Variants in MYLK4 observed in about 807,000 individuals in gnomAD.
MYLK4 encodes the protein caMLCK like.
Under a neutral mutation model 48.1 loss-of-function variants are expected in MYLK4, and 46 were observed. The ratio of observed to expected loss-of-function variants is 0.96; its 90% CI spans 0.75 to 1.22. The LOEUF (loss-of-function observed/expected upper bound fraction) is 1.22. Ranked by LOEUF, MYLK4 falls within the 50% of genes most tolerant of loss-of-function variation. MYLK4 has a pLI of 0.00. For synonymous variants in MYLK4, 170 were observed against 180.8 expected (o/e 0.94, Z 0.48); for missense variants, 451 against 486.1 (o/e 0.93, Z 0.68).
At chr6:2,692,710 C>T (rs1282245863) in intron 3 of MYLK4, 74 bp downstream of exon 3, 4 of 1,314,970 alleles carry the variant, frequency 3.0e-6, no homozygotes, top group Non-Finnish European at 4.2e-6. Context: ...TGTGCAACTT[C>T]CTCTGAATAA....
intron 2 of MYLK4, among the ~76,000 whole-genome samples, chr6:2,734,889 C>T (rs1300977969): frequency 6.6e-6 from 1 of 152,120 alleles, no homozygotes; most frequent in Non-Finnish European, 1.5e-5. Flanking sequence ...GATTCCTATT[C>T]AGCAGGTTGG....
At chr6:2,712,951 T>C (rs552619665) in intron 2 of MYLK4, among the ~76,000 whole-genome samples, 1 of 152,360 alleles carries the variant, frequency 6.6e-6, no homozygotes, top group African/African-American at 2.4e-5. Flanking sequence ...ACATGTGCCC[T>C]TGAGGAAGGC....
At chr6:2,720,666 AAAAG>A (rs1416051975) in intron 2 of MYLK4, among the ~76,000 whole-genome samples, 2 of 152,156 alleles carry the variant, frequency 1.3e-5, no homozygotes, top group Non-Finnish European at 2.9e-5. Context: ...TCAGAGAATA[AAAAG>A]AAATTATTGG....
At chr6:2,682,623 C>T (rs546968475) in intron 7 of MYLK4, among the ~76,000 whole-genome samples, 62 of 152,222 alleles carry the variant, frequency 4.1e-4, no homozygotes, top group African/African-American at 1.3e-3. Context: ...GAGCTGCCGG[C>T]GATTCTTGGA....
intron 2 of MYLK4, among the ~76,000 whole-genome samples, chr6:2,748,043 A>G (rs183032256): frequency 6.6e-6 from 1 of 152,264 alleles, no homozygotes; most frequent in African/African-American, 2.4e-5. Context: ...TTTATATACA[A>G]TCTCTCTATT....
At chr6:2,735,496 C>A (rs1380323113) in intron 2 of MYLK4, among the ~76,000 whole-genome samples, 1 of 152,206 alleles carries the variant, frequency 6.6e-6, no homozygotes, top group Admixed American at 6.5e-5. Flanking sequence ...ATTATCCTCA[C>A]TTCTAAGACA....
At chr6:2,707,021 G>A (rs1762516430) in intron 2 of MYLK4, among the ~76,000 whole-genome samples, 1 of 152,114 alleles carries the variant, frequency 6.6e-6, no homozygotes, top group Admixed American at 6.5e-5. Context: ...TCTTCTTTGT[G>A]AACGTCCACT....
At chr6:2,765,520 G>C in the MYLK4 span, 9 of 1,289,876 alleles carry the variant, frequency 7.0e-6, no homozygotes, top group African/African-American at 1.3e-4. Context: ...GGTTCCCCGA[G>C]CGAGGGTCTC....
At chr6:2,674,212 G>A (rs1189203411) in intron 11 of MYLK4, among the ~76,000 whole-genome samples, 1 of 152,230 alleles carries the variant, frequency 6.6e-6, no homozygotes, top group Non-Finnish European at 1.5e-5. Flanking sequence ...ATTACAGAGA[G>A]TGGGCTAGGT....
At chr6:2,679,180 T>A (rs1761200749) in intron 9 of MYLK4, 100 bp downstream of exon 9, 18 of 1,425,324 alleles carry the variant, frequency 1.3e-5, no homozygotes, top group Non-Finnish European at 1.7e-5. Flanking sequence ...TGTTATTTAT[T>A]TTTTAAATAC....
the MYLK4 span, chr6:2,766,197 A>C: frequency 1.4e-6 from 2 of 1,406,466 alleles, no homozygotes; most frequent in Non-Finnish European, 1.9e-6. Flanking sequence ...TGGGACGCGG[A>C]CGCTGCCGAA....
At chr6:2,702,273 G>A (rs183968535) in intron 2 of MYLK4, among the ~76,000 whole-genome samples, 367 of 152,324 alleles carry the variant, frequency 2.4e-3, no homozygotes, top group Admixed American at 5.3e-3. Flanking sequence ...AAGACAGGAT[G>A]AAAACCAAGG....
chr6:2,731,004 G>A (rs554052682), intron 2 of MYLK4, among the ~76,000 whole-genome samples: 77 of 152,138 alleles, frequency 5.1e-4, no homozygotes, highest in African/African-American at 1.8e-3. Flanking sequence ...TATAAACCAC[G>A]AAAGACCTTT....
chr6:2,692,384 C>T (rs1761835062), intron 3 of MYLK4, among the ~76,000 whole-genome samples: 1 of 152,032 alleles, frequency 6.6e-6, no homozygotes, highest in Non-Finnish European at 1.5e-5. Flanking sequence ...AGTTTATTAA[C>T]CTTTTCTTTC....
chr6:2,716,021 AT>A (rs34093622), intron 2 of MYLK4, among the ~76,000 whole-genome samples: 129,511 of 151,904 alleles, frequency 0.85, 55,292 homozygotes, highest in Admixed American at 0.89. Context: ...TCTGCTGCCT[AT>A]TTTTTTTTTA....
Position 2,734,233 on chromosome 6 carries a change from C to T in MYLK4, c.159+14903G>A, listed in dbSNP as rs188024634. ...TCACAGGTTGTTCCCCTACCCAGCA[C>T]ATATGCGGCTTTCGCTAAACCATCT... is the stretch of plus-strand genomic sequence containing the variant. On this transcript the variant is annotated intron_variant, in intron 2 of 12. Coordinates refer to ENST00000274643, the MANE Select transcript of MYLK4 (RefSeq NM_001012418.5). Among the ~76,000 whole-genome samples, 319 of 152,344 alleles carry T rather than the reference C, an allele frequency of 2.1e-3. 1 individual carries two copies. The highest frequency in any genetic ancestry group is 7.0e-3 in the African/African-American group (292 of 41,570).
chr6:2,678,173 C>T, intron 10 of MYLK4, 47 bp downstream of exon 10: 1 of 1,595,632 alleles, frequency 6.3e-7, no homozygotes, highest in Non-Finnish European at 8.5e-7. Flanking sequence ...GGCCCTGCTT[C>T]CTTATCATCC....
intron 7 of MYLK4, 115 bp from the exon 8 acceptor site, chr6:2,680,406 C>T (rs1429205504): frequency 6.4e-7 from 1 of 1,565,320 alleles, no homozygotes; most frequent in Non-Finnish European, 8.6e-7. Context: ...AGGCCTTTCA[C>T]TTCGGGGCGG....
At chr6:2,744,922 T>G (rs1456753278) in intron 2 of MYLK4, among the ~76,000 whole-genome samples, 1 of 152,218 alleles carries the variant, frequency 6.6e-6, no homozygotes. Context: ...GGCGCGGATG[T>G]GGAACGGTGG....
Sources: allele counts gnomAD v4.1 joint callset (sites outside exome capture counted in the v4.1 genomes callset), GRCh38; gene constraint gnomAD v4.1.1; transcripts MANE v1.5; gene names NCBI Gene and HGNC (gene_info 2026-07-23, HGNC 2026-07-21).